OPCML: variants seen among roughly 807,000 people sequenced by gnomAD.
OPCML encodes the protein opioid-binding protein/cell adhesion molecule.
OPCML carries 13 observed loss-of-function variants against 37.8 expected under a neutral mutation model. That is an observed-to-expected ratio of 0.34 (90% CI 0.22 to 0.55). The LOEUF (loss-of-function observed/expected upper bound fraction) is 0.55, where lower values mean the gene tolerates loss of function less well. Ranked by LOEUF, OPCML falls within the 20% of genes least tolerant of loss-of-function variation. The pLI is 0.91. For synonymous variants in OPCML, 176 were observed against 168.8 expected, an observed-to-expected ratio of 1.04 and a Z score of -0.33; for missense variants, 341 against 435.6, an observed-to-expected ratio of 0.78 and a Z score of 1.93.
Position 132,476,843 on chromosome 11 carries a change from TAAAAAAATTA to T in OPCML, c.506-39494_506-39485del, listed in dbSNP as rs535224444. On this transcript the variant is annotated intron_variant, in intron 4 of 7. Transcript: ENST00000524381. ...TACCCTAAAATTTAAAGTATAATAA[TAAAAAAATTA>T]AAAAAAATTAAAAAAAGTGTTACTT... is the stretch of plus-strand genomic sequence containing the variant. Among the ~76,000 whole-genome samples, 457 of 151,976 alleles carry T rather than the reference TAAAAAAATTA, an allele frequency of 3.0e-3. No individual in the cohort carries two copies. The Middle Eastern group carries it at 0.061, about 20-fold the overall frequency.
At chr11:133,076,594 C>T (rs994311013) in intron 1 of OPCML, among the ~76,000 whole-genome samples, 2 of 152,260 alleles carry the variant, frequency 1.3e-5, no homozygotes, top group African/African-American at 2.4e-5. Context: ...TGGCTGGCTT[C>T]CTCCACTGTA....
At chr11:133,490,651 CTTCCAATGACT>C (rs977454337) in intron 1 of OPCML, among the ~76,000 whole-genome samples, 60 of 152,294 alleles carry the variant, frequency 3.9e-4, no homozygotes, top group African/African-American at 1.4e-3. Context: ...GGACAATGGT[CTTCCAATGACT>C]TTCCAACTCA....
At chr11:132,601,432 A>G (rs1937883158) in intron 3 of OPCML, among the ~76,000 whole-genome samples, 1 of 152,204 alleles carries the variant, frequency 6.6e-6, no homozygotes, top group South Asian at 2.1e-4. Context: ...CTTTCCCTAG[A>G]AATGCACTCA....
intron 2 of OPCML, among the ~76,000 whole-genome samples, chr11:132,767,637 C>T (rs1421269965): frequency 6.6e-6 from 1 of 152,144 alleles, no homozygotes; most frequent in Non-Finnish European, 1.5e-5. Context: ...ATATGCTTAC[C>T]AAGAGTCAGC....
chr11:133,337,860 AT>A (rs777264940), intron 1 of OPCML, among the ~76,000 whole-genome samples: 110 of 152,230 alleles, frequency 7.2e-4, no homozygotes, highest in Non-Finnish European at 1.1e-3. Flanking sequence ...TGATATGAAT[AT>A]TACAGCTGAA....
At chr11:133,348,051 T>C (rs538856187) in intron 1 of OPCML, among the ~76,000 whole-genome samples, 2 of 152,174 alleles carry the variant, frequency 1.3e-5, no homozygotes, top group South Asian at 2.1e-4. Flanking sequence ...ATGCATTCTA[T>C]TAATCATTTG....
chr11:132,833,398 AG>A (rs1401778340), intron 2 of OPCML, among the ~76,000 whole-genome samples: 5 of 152,190 alleles, frequency 3.3e-5, no homozygotes, highest in African/African-American at 9.7e-5. Context: ...CAAGAGCTTC[AG>A]GGGCAATAAC....
intron 1 of OPCML, among the ~76,000 whole-genome samples, chr11:133,391,476 C>T (rs1272570749): frequency 6.6e-6 from 1 of 152,170 alleles, no homozygotes; most frequent in Non-Finnish European, 1.5e-5. Context: ...AGCAAAAAGC[C>T]TTTATTCAGC....
intron 3 of OPCML, among the ~76,000 whole-genome samples, chr11:132,557,852 G>A (rs2096399410): frequency 6.6e-6 from 1 of 152,190 alleles, no homozygotes; most frequent in Non-Finnish European, 1.5e-5. Context: ...AGGCTCTGCA[G>A]AAGATGCAAC....
intron 7 of OPCML, among the ~76,000 whole-genome samples, chr11:132,426,840 A>C (rs2095979215): frequency 1.3e-5 from 2 of 152,208 alleles, no homozygotes; most frequent in Admixed American, 1.3e-4. Context: ...CCTGGCACTA[A>C]GCTTTTGCTG....
intron 1 of OPCML, chr11:133,439,209 T>A (rs550426776): frequency 2.5e-5 from 22 of 863,310 alleles, no homozygotes; most frequent in Non-Finnish European, 3.1e-5. Context: ...GCCCTTAACC[T>A]GCAGGTCCTA....
intron 1 of OPCML, chr11:133,439,428 C>T (rs1295169998): frequency 2.0e-6 from 2 of 984,886 alleles, no homozygotes; most frequent in East Asian, 1.1e-4. Flanking sequence ...GCTTATGAGG[C>T]CAACCTAACT....
At chr11:133,103,787 G>A (rs1227743307) in intron 1 of OPCML, among the ~76,000 whole-genome samples, 1 of 152,198 alleles carries the variant, frequency 6.6e-6, no homozygotes, top group Non-Finnish European at 1.5e-5. Flanking sequence ...AAGTAAAGTT[G>A]CTGGTGTCTG....
chr11:133,509,548 G>A (rs1236964576), intron 1 of OPCML, among the ~76,000 whole-genome samples: 1 of 152,094 alleles, frequency 6.6e-6, no homozygotes, highest in Admixed American at 6.5e-5. Flanking sequence ...TGGCAATGCT[G>A]TTCCATACTC....
chr11:132,561,281 C>T (rs894975857), intron 3 of OPCML, among the ~76,000 whole-genome samples: 1 of 152,236 alleles, frequency 6.6e-6, no homozygotes, highest in Non-Finnish European at 1.5e-5. Context: ...CCCTCTACTC[C>T]ATCTTCCACA....
At chr11:133,145,335 A>G (rs1252890397) in intron 1 of OPCML, among the ~76,000 whole-genome samples, 2 of 152,186 alleles carry the variant, frequency 1.3e-5, no homozygotes, top group South Asian at 2.1e-4. Flanking sequence ...AGTTAGATGC[A>G]ATGTTGACTG....
chr11:133,495,892 C>A (rs561194704), intron 1 of OPCML, among the ~76,000 whole-genome samples: 2 of 152,114 alleles, frequency 1.3e-5, no homozygotes, highest in African/African-American at 4.8e-5. Flanking sequence ...CCTGCAAAAG[C>A]GCTTTTGTTT....
At chr11:133,034,573 G>C (rs1398562244) in intron 1 of OPCML, among the ~76,000 whole-genome samples, 1 of 152,088 alleles carries the variant, frequency 6.6e-6, no homozygotes, top group Non-Finnish European at 1.5e-5. Flanking sequence ...TGTGACCTTG[G>C]TCAAATTGCT....
intron 1 of OPCML, among the ~76,000 whole-genome samples, chr11:133,020,054 G>A (rs1252458779): frequency 6.6e-6 from 1 of 152,196 alleles, no homozygotes; most frequent in Non-Finnish European, 1.5e-5. Flanking sequence ...CACCTCCAGG[G>A]GCGGATGCGG....
Sources: allele counts gnomAD v4.1 joint callset (sites outside exome capture counted in the v4.1 genomes callset), GRCh38; gene constraint gnomAD v4.1.1; transcripts MANE v1.5; gene names NCBI Gene and HGNC (gene_info 2026-07-23, HGNC 2026-07-21).